VPS13A: variants seen among roughly 807,000 people sequenced by gnomAD.
VPS13A encodes the protein intermembrane lipid transfer protein VPS13A.
VPS13A carries 264 observed loss-of-function variants against 390.9 expected under a neutral mutation model. That is an observed-to-expected ratio of 0.68 (90% CI 0.61 to 0.75). The LOEUF (loss-of-function observed/expected upper bound fraction) is 0.75. Ranked by LOEUF, VPS13A falls within the 30% of genes least tolerant of loss-of-function variation. The pLI is 0.00. For missense variants in VPS13A, 3,409 were observed against 3,733.9 expected (o/e 0.91, Z 2.27); for synonymous variants, 1,231 against 1,227.1 (o/e 1.00, Z -0.07).
intron 70 of VPS13A, among the ~76,000 whole-genome samples, chr9:77,406,342 A>G (rs1291087309): frequency 1.3e-5 from 2 of 152,224 alleles, no homozygotes; most frequent in East Asian, 3.9e-4. Context: ...CCTTTCTAAC[A>G]TTAATACATT....
In VPS13A at chr9:77,260,208, C is replaced by T. The variant is rs1825677529; in HGVS notation, c.2411C>T (p.Pro804Leu). The change falls in exon 23 of 72, where the codon CCT (proline) becomes CTT (leucine). Residue 804 changes from proline (P) to leucine (L), a missense_variant. Physicochemically the swap from Pro to Leu is moderately conservative, Grantham distance 98 (BLOSUM62 -3). Around this residue, in one of 5 missense-constraint regions of VPS13A, gnomAD observed 2,717 missense variants for 2,917.4 expected, o/e 0.93. Coordinates refer to ENST00000360280, the MANE Select transcript of VPS13A (RefSeq NM_033305.3). ...KPEPVTEVSA[P>L]VKSFQIQTST... is the part of the protein sequence containing the mutation. ...GAACCAGTAACTGAAGTATCTGCCC[C>T]TGTCAAATCATTCCAGGTAATGTTA... 1.2e-6 allele frequency: 2 copies of T among 1,613,364 alleles called. No individual in the cohort carries two copies. Among genetic ancestry groups the T allele is most frequent in the Non-Finnish European group, 1.7e-6 (2 of 1,179,664 alleles).
At chr9:77,303,391 A>G (rs1828494209) in intron 34 of VPS13A, among the ~76,000 whole-genome samples, 1 of 152,050 alleles carries the variant, frequency 6.6e-6, no homozygotes, top group African/African-American at 2.4e-5. Flanking sequence ...ACATAATTAA[A>G]ATAGTTATAA....
chr9:77,247,512 A>G, intron 20 of VPS13A, 117 bp downstream of exon 20: 5 of 1,117,820 alleles, frequency 4.5e-6, no homozygotes, highest in Admixed American at 2.6e-5. Context: ...TTTGTGGTAG[A>G]TAAGTAAGAT....
chr9:77,185,046 A>G (rs1022784220), intron 1 of VPS13A, among the ~76,000 whole-genome samples: 2 of 152,164 alleles, frequency 1.3e-5, no homozygotes, highest in African/African-American at 2.4e-5. Flanking sequence ...TAGCTGGTCA[A>G]TCAGAAGCAC....
At chr9:77,221,044 G>T (rs1291303252) in intron 12 of VPS13A, 141 bp from the exon 13 acceptor site, 2 of 831,854 alleles carry the variant, frequency 2.4e-6, no homozygotes, top group Non-Finnish European at 3.9e-6. Flanking sequence ...ATGGAGTTGG[G>T]TAAAAAGGAA....
chr9:77,321,597 A>G lies in VPS13A; in HGVS notation c.5681A>G (p.Asp1894Gly), dbSNP rs1273861080. The G allele has an allele frequency of 1.2e-6, 2 of 1,613,452 alleles. No individual in the cohort carries two copies. The highest frequency in any genetic ancestry group is 1.7e-6 in the Non-Finnish European group (2 of 1,179,626). ...CTTACTATTTCTGTTTCGCCAAGTG[A>G]TTCTTTTAGTGTACTCAACATTCCT... ...LGLTISVSPS[D>G]SFSVLNIPMA... Residue 1894 changes from aspartate to glycine, a missense_variant, in exon 44 of 72, where the codon GAT becomes GGT. By Grantham distance (94) the Asp-to-Gly change is moderately conservative (BLOSUM62 -1). Around this residue, in one of 5 missense-constraint regions of VPS13A, gnomAD observed 2,717 missense variants for 2,917.4 expected, o/e 0.93. Transcript: ENST00000360280.
At position 77,228,250 on chromosome 9, in the gene VPS13A, A is replaced by G. The variant is rs757215593; in HGVS notation, c.1581A>G (p.Gly527=). 4.6e-5 allele frequency: 73 copies of G among 1,597,734 alleles called. No individual in the cohort carries two copies. The South Asian group carries it at 7.9e-4, about 17-fold the overall frequency. ...GCACCTTAATTGTGCAAAGACCAGG[A>G]GCACAAGCAATAAAGTAAGTATTAA... is the stretch of plus-strand genomic sequence containing the variant. The part of the protein sequence containing the change: ...EFSTLIVQRP[G]AQAIKFETKI... Residue 527 remains glycine (G), a synonymous_variant, in exon 17 of 72, where the codon GGA becomes GGG. Transcript: ENST00000360280.
intron 70 of VPS13A, 80 bp downstream of exon 70, chr9:77,406,067 C>G (rs1225059896): frequency 5.3e-5 from 83 of 1,556,694 alleles, no homozygotes; most frequent in Non-Finnish European, 6.8e-5. Flanking sequence ...TTGTATAATG[C>G]TCTACCTCTT....
chr9:77,221,385 G>A, intron 13 of VPS13A, 29 bp downstream of exon 13: 1 of 1,609,796 alleles, frequency 6.2e-7, no homozygotes, highest in Non-Finnish European at 8.5e-7. Flanking sequence ...ATTGTTGAGT[G>A]TTTTATACTA....
rs148357627 is a variant in VPS13A, at chr9:77,180,956, G to A, written c.100+3152G>A. ...TCCCAGCACTTTGGAAGGCTGAGGC[G>A]GGAAGATTGCTTGAGCATAGGAGTT... On this transcript the variant is annotated intron_variant, in intron 1 of 71. Coordinates refer to ENST00000360280, the MANE Select transcript of VPS13A (RefSeq NM_033305.3). 5.8e-3 allele frequency among the ~76,000 whole-genome samples: 889 copies of A among 152,228 alleles called. 8 individuals carry two copies. The highest frequency in any genetic ancestry group is 0.02 in the African/African-American group (835 of 41,534).
At chr9:77,181,705 A>G (rs769291509) in intron 1 of VPS13A, among the ~76,000 whole-genome samples, 13 of 152,224 alleles carry the variant, frequency 8.5e-5, no homozygotes, top group African/African-American at 1.4e-4. Context: ...AGTCATTGCT[A>G]ATAATGGATG....
intron 5 of VPS13A, among the ~76,000 whole-genome samples, chr9:77,208,795 C>G (rs1194195013): frequency 6.6e-6 from 1 of 152,192 alleles, no homozygotes; most frequent in African/African-American, 2.4e-5. Context: ...GATGATCTGC[C>G]CACCTTGGCC....
chr9:77,416,029 C>T lies in VPS13A; in HGVS notation c.*23C>T, dbSNP rs746819871. The T allele has an allele frequency of 3.7e-6, 6 of 1,612,838 alleles. No individual in the cohort carries two copies. The highest frequency in any genetic ancestry group is 4.2e-6 in the Non-Finnish European group (5 of 1,179,048). ...TGACAGAGAACACTGCCTGAAGACA[C>T]ACAGCAATAAGTGATTACAGCTCCT... On this transcript the variant is annotated 3_prime_UTR_variant, in exon 72 of 72. Transcript: ENST00000360280.
In VPS13A at chr9:77,419,561, T is replaced by C. The variant is rs1835282468; in HGVS notation, c.*3555T>C. 6.6e-6 allele frequency: 1 copy of C among 152,216 alleles called. No homozygotes were observed. The highest frequency in any genetic ancestry group is 1.5e-5 in the Non-Finnish European group (1 of 68,042). The allele number at this position is 152,216 out of a possible 1,614,324, so 9.4% of individuals were successfully genotyped here. A position where few individuals can be genotyped will look rare whatever the true frequency, so the allele number is the denominator to read the frequency against. On this transcript the variant is annotated 3_prime_UTR_variant, in exon 72 of 72. Transcript: ENST00000360280. ...TCTAGAGATGCTTAGCACTTCTTCT[T>C]TTGAGTGAGAAGATGGAATCACTCT...
intron 5 of VPS13A, 44 bp from the exon 6 acceptor site, chr9:77,209,379 A>G (rs750736185): frequency 1.0e-5 from 14 of 1,341,038 alleles, no homozygotes; most frequent in Admixed American, 1.7e-5. Flanking sequence ...TTTATAGAGT[A>G]TATTTTTCAT....
At chr9:77,340,367 C>A in intron 49 of VPS13A, 37 bp from the exon 50 acceptor site, 1 of 1,606,774 alleles carries the variant, frequency 6.2e-7, no homozygotes, top group Non-Finnish European at 8.5e-7. Context: ...AGATGTTATA[C>A]ATAACAGTTT....
intron 22 of VPS13A, among the ~76,000 whole-genome samples, chr9:77,259,234 G>A (rs1825621274): frequency 6.6e-6 from 1 of 152,082 alleles, no homozygotes. Context: ...CTTGCTATTT[G>A]GTAGATACTG....
At chr9:77,370,667 A>C in intron 65 of VPS13A, 89 bp downstream of exon 65, 1 of 1,562,682 alleles carries the variant, frequency 6.4e-7, no homozygotes, top group Non-Finnish European at 8.8e-7. Context: ...CATGATTCTC[A>C]CTCCTTAAAT....
chr9:77,223,440 A>G lies in VPS13A; in HGVS notation c.1161+2084A>G, dbSNP rs574684795. Among the ~76,000 whole-genome samples the G allele has an allele frequency of 9.9e-5, 15 of 152,262 alleles. No homozygotes were observed. In the East Asian group the frequency reaches 2.1e-3, roughly 22 times the overall value. On this transcript the variant is annotated intron_variant, in intron 13 of 71. Coordinates refer to ENST00000360280, the MANE Select transcript of VPS13A (RefSeq NM_033305.3). ...CCAAAAGCTAGGCTGCTTGTGCCCA[A>G]TGGTTAGCTGAGTCCTGAAGGAAAT...
Sources: gnomAD v4.1 joint callset for allele counts (sites outside exome capture counted in the v4.1 genomes callset) on GRCh38, gnomAD v4.1.1 for gene constraint, gnomAD v4.1.1 regional missense constraint, MANE v1.5 for transcripts, NCBI Gene and HGNC (gene_info 2026-07-23, HGNC 2026-07-21) for gene names.